The following FASTKD3 variants were observed in gnomAD, a reference collection of about 807,000 sequenced individuals.
FASTKD3 encodes FAST kinase domain-containing protein 3, mitochondrial.
FASTKD3 carries 47 observed loss-of-function variants against 49.7 expected under a neutral mutation model. The ratio of observed to expected loss-of-function variants is 0.95; its 90% CI spans 0.75 to 1.21. The LOEUF (loss-of-function observed/expected upper bound fraction) is 1.21. Among genes scored for constraint, FASTKD3 ranks in the 50% most tolerant of loss-of-function variants. FASTKD3 has a pLI of 0.00. For synonymous variants in FASTKD3, 284 were observed against 288.6 expected, an observed-to-expected ratio of 0.98 and a Z score of 0.16; for missense variants, 748 against 765.7, an observed-to-expected ratio of 0.98 and a Z score of 0.27.
Position 7,865,985 on chromosome 5 carries a change from T to G in FASTKD3, c.1439-2A>C. 6.2e-7 allele frequency: 1 copy of G among 1,612,810 alleles called. No homozygotes were observed. The highest frequency in any genetic ancestry group is 8.5e-7 in the Non-Finnish European group (1 of 1,179,032). On this transcript the variant is annotated splice_acceptor_variant, in intron 2 of 6. Coordinates refer to ENST00000264669, the MANE Select transcript of FASTKD3 (RefSeq NM_024091.4). LOFTEE classifies it high-confidence loss of function. ...ATGTGTCCAAATGAGATTCTTTACCTGAAACAGAAAGCATCCCAGTCATAG... is the reference window on the plus strand; with the variant it reads ...ATGTGTCCAAATGAGATTCTTTACCGGAAACAGAAAGCATCCCAGTCATAG...
intron 5 of FASTKD3, 72 bp from the exon 6 acceptor site, chr5:7,861,335 G>A: frequency 1.1e-6 from 1 of 874,116 alleles, no homozygotes; most frequent in Non-Finnish European, 1.7e-6. Context: ...TATTTTAGTT[G>A]CCAAAGTTTA....
intron 4 of FASTKD3, 127 bp from the exon 5 acceptor site, chr5:7,861,779 A>G (rs1343565761): frequency 2.8e-6 from 4 of 1,449,774 alleles, no homozygotes; most frequent in Non-Finnish European, 2.7e-6. Context: ...GAAGGCTGCA[A>G]AGTAATGACC....
chr5:7,862,754 G>C, intron 4 of FASTKD3, 69 bp downstream of exon 4: 1 of 1,326,654 alleles, frequency 7.5e-7, no homozygotes, highest in African/African-American at 1.5e-5. Context: ...TTGCTTCTAA[G>C]TCCCATATAT....
chr5:7,867,701 G>C lies in FASTKD3; in HGVS notation c.383C>G (p.Thr128Ser), dbSNP rs777011399. 1 of 1,614,158 alleles carries C rather than the reference G, an allele frequency of 6.2e-7. No individual in the cohort carries two copies. The highest frequency in any genetic ancestry group is 2.2e-5 in the East Asian group (1 of 44,880). ...FISTMETLPD[T>S]MAAGALQRIC... is the part of the protein sequence containing the mutation. ...TCGTTGTAAAGCTCCTGCTGCCATAGTGTCAGGCAGGGTTTCCATCGTGCT... is the reference window on the plus strand; with the variant it reads ...TCGTTGTAAAGCTCCTGCTGCCATACTGTCAGGCAGGGTTTCCATCGTGCT... The change falls in exon 2 of 7, where the codon ACT (threonine) becomes AGT (serine). Residue 128 changes from threonine to serine, a missense_variant. Thr to Ser is a moderately conservative substitution (Grantham distance 58). This residue lies in a region of FASTKD3 where 564 missense variants were observed against 562.8 expected (regional missense o/e 1.00). Coordinates refer to ENST00000264669, the MANE Select transcript of FASTKD3 (RefSeq NM_024091.4).
chr5:7,868,052 T>C lies in FASTKD3; in HGVS notation c.32A>G (p.Tyr11Cys), dbSNP rs1409743879. The C allele has an allele frequency of 3.7e-6, 6 of 1,612,186 alleles. No individual in the cohort carries two copies. The highest frequency in any genetic ancestry group is 1.1e-5 in the South Asian group (1 of 90,614). MALITLRKNLYRLSDFQMHRA... is the reference protein window; with the variant it reads MALITLRKNLCRLSDFQMHRA... Reference sequence around the variant, plus strand: ...ATGCATCTGAAAATCAGATAAACGATAAAGGTTCTTCCTCAAGGTGATTAA... The same window carrying C: ...ATGCATCTGAAAATCAGATAAACGACAAAGGTTCTTCCTCAAGGTGATTAA... Residue 11 changes from tyrosine to cysteine, a missense_variant, in exon 2 of 7, where the codon TAT becomes TGT. By Grantham distance (194) the Tyr-to-Cys change is radical. Transcript: ENST00000264669.
intron 1 of FASTKD3, 94 bp downstream of exon 1, chr5:7,868,885 A>C (rs1267733729): frequency 1.7e-6 from 1 of 574,486 alleles, no homozygotes; most frequent in Non-Finnish European, 3.1e-6. Flanking sequence ...CTGCGCTGAG[A>C]CACGGGCCGG....
intron 4 of FASTKD3, among the ~76,000 whole-genome samples, chr5:7,862,604 T>C (rs889394458): frequency 6.6e-6 from 1 of 152,086 alleles, no homozygotes; most frequent in Admixed American, 6.5e-5. Flanking sequence ...GGTTAAATAT[T>C]CTGCCCAGGA....
Position 7,867,752 on chromosome 5 carries a change from GAAGTC to G in FASTKD3, c.327_331del (p.Leu109PhefsTer17). The G allele has an allele frequency of 6.2e-7, 1 of 1,614,182 alleles. No individual in the cohort carries two copies. Among genetic ancestry groups the G allele is most frequent in the Non-Finnish European group, 8.5e-7 (1 of 1,180,044 alleles). On this transcript the variant is annotated frameshift_variant, in exon 2 of 7. Coordinates refer to ENST00000264669, the MANE Select transcript of FASTKD3 (RefSeq NM_024091.4). LOFTEE classifies it high-confidence loss of function. ...TATAAAACTTAGCACTTCTTCTGAT[GAAGTC>G]AAGTTGCTCAGTCTCCTGTAAAACA... is the stretch of plus-strand genomic sequence containing the variant.
At position 7,868,203 on chromosome 5, in the gene FASTKD3, A is replaced by G. The variant is rs1163439242; in HGVS notation, c.-113-7T>C. 5.3e-5 allele frequency: 5 copies of G among 94,316 alleles called. No individual in the cohort carries two copies. The highest frequency in any genetic ancestry group is 7.8e-4 in the African/African-American group (2 of 2,564). The allele number at this position is 94,316 out of a possible 1,614,324, so 5.8% of individuals were successfully genotyped here. On this transcript the variant is annotated splice_polypyrimidine_tract_variant and splice_region_variant and intron_variant, in intron 1 of 6. Transcript: ENST00000264669. ...TGAAACTACAAACGAGTATCTGGAA[A>G]AAAAAAAAAAAAAAAAAAAAGGATG...
chr5:7,863,014 G>T lies in FASTKD3; in HGVS notation c.1525-17C>A. ...TTTTGGACCCTAAAAAATCATAAGTGCAAATGTGAGAAAGAAAAATAAGAT... is the reference window on the plus strand; with the variant it reads ...TTTTGGACCCTAAAAAATCATAAGTTCAAATGTGAGAAAGAAAAATAAGAT... On this transcript the variant is annotated splice_polypyrimidine_tract_variant and intron_variant, in intron 3 of 6. Coordinates refer to ENST00000264669, the MANE Select transcript of FASTKD3 (RefSeq NM_024091.4). 6.3e-7 allele frequency: 1 copy of T among 1,598,212 alleles called. No homozygotes were observed. Among genetic ancestry groups the T allele is most frequent in the Non-Finnish European group, 8.5e-7 (1 of 1,170,718 alleles).
At position 7,866,981 on chromosome 5, in the gene FASTKD3, G is replaced by A. The variant is rs1207763504; in HGVS notation, c.1103C>T (p.Pro368Leu). ...CTCCATGACCCTGCAGACAACTTCA[G>A]GATCCAACGTGAGGCACACCGCAGC... is the stretch of plus-strand genomic sequence containing the variant. The part of the protein sequence containing the change: ...RVAAVCLTLD[P>L]EVVCRVMEYC... Residue 368 changes from proline to leucine, a missense_variant, in exon 2 of 7, where the codon CCT becomes CTT. This residue lies in a region of FASTKD3 where 564 missense variants were observed against 562.8 expected (regional missense o/e 1.00). Transcript: ENST00000264669. The A allele has an allele frequency of 6.2e-7, 1 of 1,614,076 alleles. No homozygotes were observed. The highest frequency in any genetic ancestry group is 8.5e-7 in the Non-Finnish European group (1 of 1,180,032).
In FASTKD3 at chr5:7,868,200, GAAAA is replaced by G. The variant is rs34274545; in HGVS notation, c.-113-8_-113-5del. The G allele has an allele frequency of 0.2, 44,862 of 222,030 alleles. 2,078 individuals carry two copies. The highest frequency in any genetic ancestry group is 0.29 in the Middle Eastern group (215 of 740). The allele number at this position is 222,030 out of a possible 1,614,324, so 13.8% of individuals were successfully genotyped here. A position where few individuals can be genotyped will look rare whatever the true frequency, so the allele number is the denominator to read the frequency against. Reference sequence around the variant, plus strand: ...TTATGAAACTACAAACGAGTATCTGGAAAAAAAAAAAAAAAAAAAAAAAGGATGG... The same window carrying G: ...TTATGAAACTACAAACGAGTATCTGGAAAAAAAAAAAAAAAAAAAGGATGG... On this transcript the variant is annotated splice_polypyrimidine_tract_variant and splice_region_variant and intron_variant, in intron 1 of 6. Transcript: ENST00000264669.
In FASTKD3 at chr5:7,867,740, A is replaced by G. The variant is rs1561113444; in HGVS notation, c.344T>C (p.Val115Ala). The G allele has an allele frequency of 1.2e-6, 2 of 1,614,156 alleles. No homozygotes were observed. Among genetic ancestry groups the G allele is most frequent in the South Asian group, 2.2e-5 (2 of 91,082 alleles). Residue 115 changes from valine to alanine, a missense_variant, in exon 2 of 7, where the codon GTG becomes GCG. Physicochemically the swap from Val to Ala is moderately conservative, Grantham distance 64 (BLOSUM62 0). Transcript: ENST00000264669. ...TTCCATCGTGCTTATAAAACTTAGC[A>G]CTTCTTCTGATGAAGTCAAGTTGCT... Reference protein sequence around the residue: ...RLSNLTSSEEVLSFISTMETL... With the variant: ...RLSNLTSSEEALSFISTMETL...
Position 7,868,197 on chromosome 5 carries a change from C to A in FASTKD3, c.-113-1G>T, listed in dbSNP as rs1012510415. On this transcript the variant is annotated splice_acceptor_variant, in intron 1 of 6. Coordinates refer to ENST00000264669, the MANE Select transcript of FASTKD3 (RefSeq NM_024091.4). LOFTEE classifies it low-confidence loss of function (5UTR_SPLICE). ...TGTTTATGAAACTACAAACGAGTATCTGGAAAAAAAAAAAAAAAAAAAAAA... is the reference window on the plus strand; with the variant it reads ...TGTTTATGAAACTACAAACGAGTATATGGAAAAAAAAAAAAAAAAAAAAAA... The A allele has an allele frequency of 5.0e-5, 11 of 217,960 alleles. No homozygotes were observed. Among genetic ancestry groups the A allele is most frequent in the Admixed American group, 2.0e-4 (2 of 10,094 alleles). 13.5% of individuals were successfully genotyped at this position (217,960 alleles called of 1,614,324 possible). A position where few individuals can be genotyped will look rare whatever the true frequency, so the allele number is the denominator to read the frequency against.
chr5:7,865,172 TAGAAA>T (rs1746854286), intron 3 of FASTKD3, among the ~76,000 whole-genome samples: 2 of 152,192 alleles, frequency 1.3e-5, no homozygotes, highest in African/African-American at 4.8e-5. Context: ...CATTTGGGCG[TAGAAA>T]CTGCTTTTAA....
At chr5:7,865,109 G>A (rs916672388) in intron 3 of FASTKD3, among the ~76,000 whole-genome samples, 1 of 152,062 alleles carries the variant, frequency 6.6e-6, no homozygotes, top group African/African-American at 2.4e-5. Context: ...TGATTAGTGA[G>A]TCTCATTCCT....
chr5:7,863,209 G>A (rs1161015300), intron 3 of FASTKD3: 1 of 532,390 alleles, frequency 1.9e-6, no homozygotes, highest in South Asian at 2.3e-5. Context: ...TCTTTTATAT[G>A]TGTTTTTACA....
At chr5:7,866,015 G>T (rs199632455) in intron 2 of FASTKD3, 32 bp from the exon 3 acceptor site, 1 of 1,517,308 alleles carries the variant, frequency 6.6e-7, no homozygotes, top group Non-Finnish European at 9.1e-7. Context: ...TCATAGTTAC[G>T]TCTGAATTGA....
At chr5:7,862,718 C>T in intron 4 of FASTKD3, 105 bp downstream of exon 4, 1 of 965,740 alleles carries the variant, frequency 1.0e-6, no homozygotes, top group Non-Finnish European at 1.6e-6. Flanking sequence ...GGGACCATTC[C>T]ATTTTGCATT....
Sources: gnomAD v4.1 joint callset for allele counts (sites outside exome capture counted in the v4.1 genomes callset) on GRCh38, gnomAD v4.1.1 for gene constraint, gnomAD v4.1.1 regional missense constraint, MANE v1.5 for transcripts, NCBI Gene and HGNC (gene_info 2026-07-23, HGNC 2026-07-21) for gene names.